Variants in FAM135B observed in about 807,000 individuals in gnomAD.
The protein encoded by FAM135B is family with sequence similarity 135 member B.
A neutral mutation model predicts 127.7 loss-of-function variants in FAM135B; 43 were observed. The ratio of observed to expected loss-of-function variants is 0.34; its 90% CI spans 0.26 to 0.43. The LOEUF is 0.43. Ranked by LOEUF, FAM135B falls within the 20% of genes least tolerant of loss-of-function variation. FAM135B has a pLI of 1.00. For missense variants in FAM135B, 1,558 were observed against 1,725.6 expected, an observed-to-expected ratio of 0.90 and a Z score of 1.72; for synonymous variants, 670 against 665.1, an observed-to-expected ratio of 1.01 and a Z score of -0.11.
chr8:138,310,769 T>G, intron 3 of FAM135B, 72 bp downstream of exon 3: 4 of 1,371,234 alleles, frequency 2.9e-6, no homozygotes, highest in Non-Finnish European at 4.1e-6. Flanking sequence ...CACTCTGCTG[T>G]GCCCTGGCGA....
intron 6 of FAM135B, among the ~76,000 whole-genome samples, chr8:138,244,663 T>C (rs1821145047): frequency 6.6e-6 from 1 of 152,246 alleles, no homozygotes; most frequent in South Asian, 2.1e-4. Flanking sequence ...AGCTATAAGA[T>C]GGATAGAAGG....
intron 2 of FAM135B, among the ~76,000 whole-genome samples, chr8:138,367,109 A>T (rs1320528432): frequency 2.0e-5 from 3 of 152,192 alleles, no homozygotes; most frequent in African/African-American, 7.2e-5. Flanking sequence ...TTTTTAAGCC[A>T]TTAAGTTTTA....
At chr8:138,300,393 T>C (rs1378026020) in intron 3 of FAM135B, among the ~76,000 whole-genome samples, 1 of 152,148 alleles carries the variant, frequency 6.6e-6, no homozygotes, top group Non-Finnish European at 1.5e-5. Context: ...TCCATTTGCC[T>C]AACAGCTTCC....
intron 2 of FAM135B, among the ~76,000 whole-genome samples, chr8:138,345,003 C>T (rs1364350953): frequency 1.3e-5 from 2 of 152,188 alleles, no homozygotes. Flanking sequence ...TCCGGAAGAG[C>T]AGGGACTGTT....
intron 3 of FAM135B, among the ~76,000 whole-genome samples, chr8:138,270,005 G>C (rs761005100): frequency 6.6e-6 from 1 of 152,108 alleles, no homozygotes. Context: ...AAGCCACTTT[G>C]AAAAAGGTAT....
At chr8:138,209,847 A>T (rs943275363) in intron 7 of FAM135B, among the ~76,000 whole-genome samples, 2 of 152,218 alleles carry the variant, frequency 1.3e-5, no homozygotes, top group Admixed American at 6.5e-5. Context: ...ACAAATGTAG[A>T]ATTCCAAAAT....
At chr8:138,282,192 T>C (rs1267253280) in intron 3 of FAM135B, among the ~76,000 whole-genome samples, 1 of 152,210 alleles carries the variant, frequency 6.6e-6, no homozygotes, top group Non-Finnish European at 1.5e-5. Flanking sequence ...ATACCATACA[T>C]TTAACATGTT....
chr8:138,158,693 G>A (rs1819036657), intron 12 of FAM135B, among the ~76,000 whole-genome samples: 2 of 152,164 alleles, frequency 1.3e-5, no homozygotes, highest in African/African-American at 4.8e-5. Flanking sequence ...ATGAAAAAAT[G>A]TTCATCATCA....
intron 1 of FAM135B, among the ~76,000 whole-genome samples, chr8:138,445,584 C>T (rs1316995624): frequency 1.3e-5 from 2 of 152,144 alleles, no homozygotes; most frequent in Non-Finnish European, 2.9e-5. Context: ...GCAGAAAAGG[C>T]CTTTGACAAA....
chr8:138,429,300 T>C (rs1357754810), intron 1 of FAM135B, among the ~76,000 whole-genome samples: 7 of 152,198 alleles, frequency 4.6e-5, no homozygotes, highest in Non-Finnish European at 1.0e-4. Context: ...TTTGAGCCCA[T>C]GTCCTATAAA....
intron 2 of FAM135B, among the ~76,000 whole-genome samples, chr8:138,320,723 C>T (rs369221168): frequency 6.6e-6 from 1 of 152,078 alleles, no homozygotes; most frequent in Admixed American, 6.6e-5. Flanking sequence ...CTCTGTATCC[C>T]CAGAAACTAA....
intron 3 of FAM135B, among the ~76,000 whole-genome samples, chr8:138,286,041 G>A (rs759937464): frequency 1.1e-4 from 17 of 151,860 alleles, no homozygotes; most frequent in Non-Finnish European, 2.5e-4. Context: ...AACAAAAACA[G>A]AAACAAAAAC....
At chr8:138,398,646 T>A (rs1048914305) in intron 1 of FAM135B, among the ~76,000 whole-genome samples, 1 of 152,086 alleles carries the variant, frequency 6.6e-6, no homozygotes, top group Non-Finnish European at 1.5e-5. Context: ...GGAAGTGGCA[T>A]AGGGAGCAGA....
At chr8:138,448,797 A>G (rs1836335787) in intron 1 of FAM135B, among the ~76,000 whole-genome samples, 1 of 152,038 alleles carries the variant, frequency 6.6e-6, no homozygotes, top group African/African-American at 2.4e-5. Context: ...AGGGGGAAAA[A>G]AAAAAAAAGC....
intron 7 of FAM135B, among the ~76,000 whole-genome samples, chr8:138,230,550 C>T (rs1015767353): frequency 1.3e-5 from 2 of 152,186 alleles, no homozygotes; most frequent in Non-Finnish European, 2.9e-5. Flanking sequence ...CCCTCTACTG[C>T]AGCTGGGAAT....
Position 138,141,426 on chromosome 8 carries a change from A to G in FAM135B, c.3639-77T>C, listed in dbSNP as rs571788929. ...CCAAGAGTGCAGTGCTGGAAGCATC[A>G]GGGGCCATTGTTCTCCACCTCCCAC... On this transcript the variant is annotated intron_variant, in intron 16 of 19. Transcript: ENST00000395297. This position sits in a 1 kb window ranked among gnomAD's most constrained non-coding sequence, Gnocchi z 4.7. The G allele has an allele frequency of 8.2e-6, 12 of 1,458,610 alleles. No individual in the cohort carries two copies. The South Asian group carries it at 1.3e-4, about 16-fold the overall frequency. The allele number at this position is 1,458,610 out of a possible 1,614,324, so 90.4% of individuals were successfully genotyped here.
intron 3 of FAM135B, among the ~76,000 whole-genome samples, chr8:138,306,160 C>T (rs1001273663): frequency 1.3e-5 from 2 of 152,090 alleles, no homozygotes; most frequent in Non-Finnish European, 2.9e-5. Flanking sequence ...TGAGGCCAGG[C>T]GTGGTGGCTC....
At chr8:138,158,998 C>T (rs970117720) in intron 12 of FAM135B, among the ~76,000 whole-genome samples, 6 of 151,686 alleles carry the variant, frequency 4.0e-5, no homozygotes, top group Non-Finnish European at 7.4e-5. Flanking sequence ...CACGGCCGGG[C>T]GTGGTGGCTC....
chr8:138,347,158 T>C (rs1170156552), intron 2 of FAM135B, among the ~76,000 whole-genome samples: 4 of 152,020 alleles, frequency 2.6e-5, no homozygotes, highest in East Asian at 1.9e-4. Context: ...AGTAGGAGAG[T>C]GTCTTCCCCA....
Sources: allele counts gnomAD v4.1 joint callset (sites outside exome capture counted in the v4.1 genomes callset), GRCh38; gene constraint gnomAD v4.1.1; non-coding constraint Gnocchi (gnomAD v3.1); transcripts MANE v1.5; gene names NCBI Gene and HGNC (gene_info 2026-07-23, HGNC 2026-07-21).